Variants in DNAH5 observed in about 807,000 individuals in gnomAD.
DNAH5 encodes axonemal beta dynein heavy chain 5.
Under a neutral mutation model 518.2 loss-of-function variants are expected in DNAH5, and 372 were observed. That is an observed-to-expected ratio of 0.72 (90% CI 0.66 to 0.78). The LOEUF (loss-of-function observed/expected upper bound fraction) is 0.78, where lower values mean the gene tolerates loss of function less well. DNAH5 is among the 30% of genes least tolerant of loss of function. DNAH5 has a pLI of 0.00. For synonymous variants in DNAH5, 2,039 were observed against 2,025.9 expected (o/e 1.01, Z -0.17); for missense variants, 5,523 against 5,687.0 (o/e 0.97, Z 0.93).
At chr5:13,975,956 A>G (rs1323377043) in intron 1 of DNAH5, among the ~76,000 whole-genome samples, 1 of 152,206 alleles carries the variant, frequency 6.6e-6, no homozygotes. Context: ...AGACTGCTTG[A>G]GCCTAGGAGT....
At chr5:13,718,815 T>C in intron 72 of DNAH5, 67 bp downstream of exon 72, 1 of 1,345,242 alleles carries the variant, frequency 7.4e-7, no homozygotes, top group South Asian at 1.2e-5. Context: ...AATCCTTTTA[T>C]AATTTTTTTA....
At chr5:13,854,796 A>G (rs1767386038) in intron 30 of DNAH5, among the ~76,000 whole-genome samples, 1 of 152,212 alleles carries the variant, frequency 6.6e-6, no homozygotes, top group Non-Finnish European at 1.5e-5. Context: ...TGGTAAAGGG[A>G]TCAACGCAAT....
intron 55 of DNAH5, among the ~76,000 whole-genome samples, chr5:13,774,608 T>C (rs1229267908): frequency 4.6e-5 from 7 of 152,118 alleles, no homozygotes; most frequent in Non-Finnish European, 8.8e-5. Flanking sequence ...TCCAATAACA[T>C]CATGAAGCTC....
intron 31 of DNAH5, among the ~76,000 whole-genome samples, chr5:13,847,649 G>A (rs1172035708): frequency 6.6e-6 from 1 of 151,766 alleles, no homozygotes; most frequent in Non-Finnish European, 1.5e-5. Context: ...ACTTGAACCT[G>A]GGAGGCGGAG....
chr5:13,833,442 CAAA>C (rs59325595), intron 35 of DNAH5, among the ~76,000 whole-genome samples: 1 of 119,558 alleles, frequency 8.4e-6, no homozygotes, highest in Admixed American at 8.7e-5. Context: ...GACTCCTTCC[CAAA>C]AAAAAAAAAA....
At chr5:13,949,007 T>A (rs1186838932), upstream of DNAH5, among the ~76,000 whole-genome samples, 1 of 151,712 alleles carries the variant, frequency 6.6e-6, no homozygotes, top group Non-Finnish European at 1.5e-5. Flanking sequence ...AAAGAACAGA[T>A]AGAACACACC....
rs572926856 is a variant in DNAH5, at chr5:13,708,451, C to T, written c.13126-116G>A. On this transcript the variant is annotated intron_variant, in intron 75 of 78. Transcript: ENST00000265104. ...TTCTTACTATTCCATAAATAATAAG[C>T]TTCTAATTTATTGCATGGCAAAAAG... The T allele has an allele frequency of 3.6e-5, 33 of 910,208 alleles. No homozygotes were observed. In the African/African-American group the frequency reaches 5.3e-4, roughly 15 times the overall value. The allele number at this position is 910,208 out of a possible 1,614,324, so 56.4% of individuals were successfully genotyped here.
chr5:13,788,503 G>A (rs2126880728), intron 51 of DNAH5, among the ~76,000 whole-genome samples: 1 of 152,246 alleles, frequency 6.6e-6, no homozygotes. Flanking sequence ...TAATATCCAA[G>A]CGTGATATGC....
intron 31 of DNAH5, among the ~76,000 whole-genome samples, chr5:13,849,831 T>C (rs2151881822): frequency 6.6e-6 from 1 of 152,264 alleles, no homozygotes; most frequent in East Asian, 1.9e-4. Context: ...TTTAATAAAC[T>C]CCTCTCTTTA....
intron 46 of DNAH5, 139 bp from the exon 47 acceptor site, chr5:13,807,864 A>C: frequency 6.6e-6 from 5 of 761,498 alleles, no homozygotes; most frequent in Non-Finnish European, 1.1e-5. Context: ...TAAGGTCTTT[A>C]AAGAGGTGAC....
At chr5:13,809,483 G>C (rs970265035) in intron 45 of DNAH5, among the ~76,000 whole-genome samples, 1 of 152,152 alleles carries the variant, frequency 6.6e-6, no homozygotes, top group Non-Finnish European at 1.5e-5. Flanking sequence ...CAGAGTGAGA[G>C]TAGTGTGTAT....
intron 1 of DNAH5, among the ~76,000 whole-genome samples, chr5:13,998,363 G>T (rs1001086786): frequency 1.3e-5 from 2 of 152,286 alleles, no homozygotes; most frequent in Admixed American, 6.5e-5. Flanking sequence ...CTTCTTAAAG[G>T]CCCCACGTCT....
chr5:13,955,185 TAAAA>T (rs1383802175), intron 1 of DNAH5, among the ~76,000 whole-genome samples: 5 of 152,136 alleles, frequency 3.3e-5, no homozygotes, highest in African/African-American at 1.2e-4. Flanking sequence ...ACTGGTTGTT[TAAAA>T]GTGTGTGGCA....
intron 58 of DNAH5, among the ~76,000 whole-genome samples, chr5:13,768,109 T>C (rs1752755703): frequency 6.6e-6 from 1 of 152,132 alleles, no homozygotes; most frequent in Non-Finnish European, 1.5e-5. Flanking sequence ...CATTGGTGTA[T>C]TGCCACATAG....
chr5:13,891,090 A>C lies in DNAH5; in HGVS notation c.2463T>G (p.Asn821Lys), dbSNP rs765299019. Residue 821 changes from asparagine to lysine, a missense_variant, in exon 17 of 79, where the codon AAT becomes AAG. Asn to Lys is a moderately conservative substitution (Grantham distance 94). This residue lies in a region of DNAH5 where 5,121 missense variants were observed against 5,223.3 expected (regional missense o/e 0.98). Coordinates refer to ENST00000265104, the MANE Select transcript of DNAH5 (RefSeq NM_001369.3). ...KDLELLLDRV[N>K]DLIEFRIDAI... The stretch of plus-strand genomic sequence containing the variant: ...CATCAATGCGGAACTCAATCAAATC[A>C]TTGACCCTGTCAAGCAGCAACTCCA... 1 of 1,614,158 alleles carries C rather than the reference A, an allele frequency of 6.2e-7. No individual in the cohort carries two copies. Among genetic ancestry groups the C allele is most frequent in the East Asian group, 2.2e-5 (1 of 44,878 alleles).
intron 30 of DNAH5, among the ~76,000 whole-genome samples, chr5:13,856,240 T>C (rs1181623929): frequency 6.6e-6 from 1 of 152,046 alleles, no homozygotes; most frequent in Non-Finnish European, 1.5e-5. Flanking sequence ...ACAAAACAGA[T>C]AGACTGCTAG....
At chr5:13,717,583 T>C in intron 72 of DNAH5, 63 bp from the exon 73 acceptor site, 1 of 1,290,856 alleles carries the variant, frequency 7.7e-7, no homozygotes, top group South Asian at 1.2e-5. Context: ...TCTACTACTT[T>C]TATAAGTAAT....
chr5:13,931,083 G>T lies in DNAH5; in HGVS notation c.192+27C>A, dbSNP rs928596900. Reference sequence around the variant, plus strand: ...GACCATCTGTGCCCTCCATCATCAAGTCAGTGAGAAGTGAAACGCATCCCA... The same window carrying T: ...GACCATCTGTGCCCTCCATCATCAATTCAGTGAGAAGTGAAACGCATCCCA... On this transcript the variant is annotated intron_variant, in intron 2 of 78. Transcript: ENST00000265104. The T allele has an allele frequency of 9.9e-6, 16 of 1,613,950 alleles. No individual in the cohort carries two copies. In the African/African-American group the frequency reaches 1.6e-4, roughly 16 times the overall value.
rs746819760 is a variant in DNAH5 at position 13,913,777 on chromosome 5, A to G, written c.1502T>C (p.Ile501Thr). The G allele has an allele frequency of 1.1e-5, 17 of 1,613,388 alleles. No individual in the cohort carries two copies. Among genetic ancestry groups the G allele is most frequent in the Non-Finnish European group, 1.4e-5 (16 of 1,179,518 alleles). ...AGTGGCCATGTCTTCCAGCCCTTCA[A>G]TTGTGGAATCTTGCAGGACTGAATA... ...KTYSVLQDSTIEGLEDMATKY... is the reference protein window; with the variant it reads ...KTYSVLQDSTTEGLEDMATKY... Residue 501 changes from isoleucine to threonine, a missense_variant, in exon 11 of 79, where the codon ATT (isoleucine) becomes ACT (threonine). Physicochemically the swap from Ile to Thr is moderately conservative, Grantham distance 89. Around this residue, in one of 3 missense-constraint regions of DNAH5, gnomAD observed 5,121 missense variants for 5,223.3 expected, o/e 0.98. Coordinates refer to ENST00000265104, the MANE Select transcript of DNAH5 (RefSeq NM_001369.3).
Sources: gnomAD v4.1 joint callset for allele counts (sites outside exome capture counted in the v4.1 genomes callset) on GRCh38, gnomAD v4.1.1 for gene constraint, gnomAD v4.1.1 regional missense constraint, MANE v1.5 for transcripts, NCBI Gene and HGNC (gene_info 2026-07-23, HGNC 2026-07-21) for gene names.